Variants in CENPF observed in about 807,000 individuals in gnomAD.
CENPF encodes AH antigen.
Under a neutral mutation model 307.3 loss-of-function variants are expected in CENPF, and 214 were observed. The observed-to-expected ratio is 0.70, with a 90% CI of 0.62 to 0.78. The LOEUF (loss-of-function observed/expected upper bound fraction) is 0.78, where lower values mean the gene tolerates loss of function less well. Ranked by LOEUF, CENPF falls within the 30% of genes least tolerant of loss-of-function variation. The pLI, the probability that CENPF is intolerant of heterozygous loss-of-function variation, is 0.00. For missense variants in CENPF, 3,401 were observed against 3,483.9 expected (o/e 0.98, Z 0.60); for synonymous variants, 1,259 against 1,270.6 (o/e 0.99, Z 0.19).
chr1:214,619,340 G>A, intron 5 of CENPF, 120 bp downstream of exon 5: 2 of 539,518 alleles, frequency 3.7e-6, no homozygotes, highest in Non-Finnish European at 3.3e-6. Flanking sequence ...GTGTGTGTGT[G>A]CTGAGAAAAG....
At chr1:214,648,640 C>T in intron 13 of CENPF, 35 bp from the exon 14 acceptor site, 1 of 1,608,268 alleles carries the variant, frequency 6.2e-7, no homozygotes, top group Non-Finnish European at 8.5e-7. Context: ...AACAGACCAC[C>T]AAAAAGCAGA....
Position 214,643,116 on chromosome 1 carries a change from A to C in CENPF, c.4778A>C (p.Gln1593Pro), listed in dbSNP as rs774657872. The change falls in exon 12 of 20, where the codon CAA (glutamine) becomes CCA (proline). Residue 1593 changes from glutamine (Q) to proline (P), a missense_variant. Transcript: ENST00000366955. Reference sequence around the variant, plus strand: ...GAGCAGTTATTAAGTTCTGAAAGGCAAGAGCTTGACTGCCTTAGGAAGCAG... The same window carrying C: ...GAGCAGTTATTAAGTTCTGAAAGGCCAGAGCTTGACTGCCTTAGGAAGCAG... ...ELEQLLSSER[Q>P]ELDCLRKQYL... is the part of the protein sequence containing the mutation. 3.1e-6 allele frequency: 5 copies of C among 1,603,430 alleles called. No homozygotes were observed. The South Asian group carries it at 3.3e-5, about 11-fold the overall frequency.
intron 11 of CENPF, 88 bp downstream of exon 11, chr1:214,638,089 CTT>C (rs1658011745): frequency 7.5e-7 from 1 of 1,331,854 alleles, no homozygotes; most frequent in Non-Finnish European, 1.0e-6. Context: ...TAGAGAAACT[CTT>C]TGGATTTTTT....
intron 14 of CENPF, among the ~76,000 whole-genome samples, chr1:214,649,402 G>A (rs1658402210): frequency 6.6e-6 from 1 of 152,148 alleles, no homozygotes; most frequent in South Asian, 2.1e-4. Context: ...GAGAGAGCTG[G>A]CAGATGAAAT....
At chr1:214,605,441 G>GC in intron 1 of CENPF, 1 of 369,200 alleles carries the variant, frequency 2.7e-6, no homozygotes, top group Middle Eastern at 7.6e-4. Context: ...AATCCGCTTT[G>GC]TTTTTTTTTT....
At chr1:214,627,378 T>TTC (rs1657684888) in intron 7 of CENPF, among the ~76,000 whole-genome samples, 2 of 143,930 alleles carry the variant, frequency 1.4e-5, no homozygotes, top group Admixed American at 6.9e-5. Context: ...TCTTTTTTTT[T>TTC]TTTTTTTTTT....
chr1:214,647,106 T>C lies in CENPF; in HGVS notation c.7536T>C (p.Asp2512=), dbSNP rs1658331320. The C allele has an allele frequency of 6.2e-7, 1 of 1,613,872 alleles. No homozygotes were observed. The highest frequency in any genetic ancestry group is 1.3e-5 in the African/African-American group (1 of 74,898). The change falls in exon 13 of 20, where the codon GAT becomes GAC. Residue 2512 remains aspartate, a synonymous_variant. Coordinates refer to ENST00000366955, the MANE Select transcript of CENPF (RefSeq NM_016343.4). ...SVNGLIQEVE[D]GKQKLEKKDE... ...ATGGCCTCATTCAAGAAGTAGAAGA[T>C]GGCAAGCAGAAACTGGAGAAGAAGG... is the stretch of plus-strand genomic sequence containing the variant.
rs10686407 is a variant in CENPF, at chr1:214,627,369, C to CTTTT, written c.1069-1659_1069-1656dup. ...ACATCGCACCCAACCCCCTCAGGCT[C>CTTTT]TTTTTTTTTTTTTTTTTTTTTGAGA... On this transcript the variant is annotated intron_variant, in intron 7 of 19. Transcript: ENST00000366955. 2.3e-3 allele frequency among the ~76,000 whole-genome samples: 197 copies of CTTTT among 83,944 alleles called. 1 individual carries two copies. Among genetic ancestry groups the CTTTT allele is most frequent in the African/African-American group, 5.7e-3 (108 of 18,918 alleles). The allele number at this position is 83,944 out of a possible 152,430, so 55.1% of individuals were successfully genotyped here.
In CENPF at chr1:214,649,443, TA is replaced by T. The variant is rs200399852; in HGVS notation, c.7983+619del. ...CTGTTTGTCATACCTGATTAAATTA[TA>T]AACATCCCTATAGCTGTTTAGTCCT... On this transcript the variant is annotated intron_variant, in intron 14 of 19. Transcript: ENST00000366955. Among the ~76,000 whole-genome samples the T allele has an allele frequency of 2.5e-3, 382 of 152,356 alleles. 2 individuals are homozygous for T. The highest frequency in any genetic ancestry group is 8.8e-3 in the African/African-American group (366 of 41,574).
At chr1:214,632,734 A>G (rs1244422149) in intron 10 of CENPF, 132 bp downstream of exon 10, 1 of 1,034,502 alleles carries the variant, frequency 9.7e-7, no homozygotes, top group Non-Finnish European at 1.4e-6. Flanking sequence ...CACCAGAAGT[A>G]AGTATTACAG....
At chr1:214,656,812 C>G (rs1658643940) in intron 17 of CENPF, 121 bp from the exon 18 acceptor site, 2 of 654,810 alleles carry the variant, frequency 3.1e-6, no homozygotes, top group Non-Finnish European at 5.1e-6. Flanking sequence ...GATATATCTC[C>G]CCAACCTCTT....
intron 19 of CENPF, among the ~76,000 whole-genome samples, chr1:214,661,190 A>G (rs1195150180): frequency 6.6e-6 from 1 of 152,226 alleles, no homozygotes; most frequent in Non-Finnish European, 1.5e-5. Context: ...CATGCTGTTC[A>G]GTAGGCACCA....
In CENPF at chr1:214,657,134, A is replaced by T; in HGVS notation, c.8687A>T (p.Asp2896Val). Residue 2896 changes from aspartate (D) to valine (V), a missense_variant, in exon 18 of 20, where the codon GAT becomes GTT. Asp to Val is a radical substitution (Grantham distance 152). Transcript: ENST00000366955. ...CTGTGTTCACAGCAATCTAAACAAG[A>T]TTCCCGAGGGTCTCCTTTGCTAGGT... is the stretch of plus-strand genomic sequence containing the variant. ...AHLCSQQSKQ[D>V]SRGSPLLGPV... 1 of 1,614,218 alleles carries T rather than the reference A, an allele frequency of 6.2e-7. No homozygotes were observed. The highest frequency in any genetic ancestry group is 2.2e-5 in the East Asian group (1 of 44,888).
Position 214,629,339 on chromosome 1 carries a change from TG to T in CENPF, c.1194+169del, listed in dbSNP as rs1657742186. Among the ~76,000 whole-genome samples the T allele has an allele frequency of 2.0e-5, 3 of 152,306 alleles. No homozygotes were observed. In the South Asian group the frequency reaches 6.2e-4, roughly 32 times the overall value. On this transcript the variant is annotated intron_variant, in intron 8 of 19. Coordinates refer to ENST00000366955, the MANE Select transcript of CENPF (RefSeq NM_016343.4). ...TTATTTTCTTTCACATCTTCACTTTTGCGCTTTTTTTAAATCTTTCAGTTTT... is the reference window on the plus strand; with the variant it reads ...TTATTTTCTTTCACATCTTCACTTTTCGCTTTTTTTAAATCTTTCAGTTTT...
In CENPF at chr1:214,644,944, G is replaced by A. The variant is rs758480116; in HGVS notation, c.5374G>A (p.Asp1792Asn). Residue 1792 changes from aspartate (D) to asparagine (N), a missense_variant, in exon 13 of 20, where the codon GAC (aspartate) becomes AAC (asparagine). Physicochemically the swap from Asp to Asn is conservative, Grantham distance 23. Coordinates refer to ENST00000366955, the MANE Select transcript of CENPF (RefSeq NM_016343.4). Reference protein sequence around the residue: ...ENLRLLHVIEDRDRKVESLLN... With the variant: ...ENLRLLHVIENRDRKVESLLN... ...TTTGAGATTACTTCATGTGATAGAGGACCGTGACAGAAAAGTTGAAAGTTT... is the reference window on the plus strand; with the variant it reads ...TTTGAGATTACTTCATGTGATAGAGAACCGTGACAGAAAAGTTGAAAGTTT... The A allele has an allele frequency of 1.1e-5, 18 of 1,613,102 alleles. No homozygotes were observed. Among genetic ancestry groups the A allele is most frequent in the Non-Finnish European group, 1.5e-5 (18 of 1,179,680 alleles).
chr1:214,618,630 G>C lies in CENPF; in HGVS notation c.417G>C (p.Leu139=). Residue 139 remains leucine, a synonymous_variant, in exon 4 of 20, where the codon CTG becomes CTC. Transcript: ENST00000366955. ...CTGCGCAGTCTGCAGATGTCTCTCT[G>C]AATCCATGCAATACACCACAAAAAA... ...QQAAQSADVS[L]NPCNTPQKIF... is the part of the protein sequence containing the mutation. 2 of 1,614,022 alleles carry C rather than the reference G, an allele frequency of 1.2e-6. No homozygotes were observed. Among genetic ancestry groups the C allele is most frequent in the South Asian group, 2.2e-5 (2 of 91,072 alleles).
intron 19 of CENPF, among the ~76,000 whole-genome samples, chr1:214,661,475 G>A (rs532175970): frequency 4.5e-4 from 68 of 152,284 alleles, no homozygotes; most frequent in African/African-American, 1.6e-3. Context: ...CTCCTTTGAG[G>A]TGACTGGCTG....
chr1:214,608,300 A>G, intron 1 of CENPF: 1 of 1,576,552 alleles, frequency 6.3e-7, no homozygotes, highest in Non-Finnish European at 8.6e-7. Flanking sequence ...AGCTGCCCCC[A>G]GGGTTGCCCT....
In CENPF at chr1:214,613,894, C is replaced by T. The variant is rs372352745; in HGVS notation, c.140C>T (p.Ala47Val). The T allele has an allele frequency of 1.9e-5, 31 of 1,610,960 alleles. 1 individual carries two copies. Among genetic ancestry groups the T allele is most frequent in the African/African-American group, 1.3e-4 (10 of 74,648 alleles). The stretch of plus-strand genomic sequence containing the variant: ...TTTCAGCTTGACAGTCTCGAGGCTG[C>T]GCTGCAGAAGCAAAAACAGAAGGTA... ...RQFQLDSLEA[A>V]LQKQKQKVEN... Residue 47 changes from alanine (A) to valine (V), a missense_variant, in exon 2 of 20, where the codon GCG becomes GTG. Transcript: ENST00000366955.
Sources: gnomAD v4.1 joint callset for allele counts (sites outside exome capture counted in the v4.1 genomes callset) on GRCh38, gnomAD v4.1.1 for gene constraint, MANE v1.5 for transcripts, NCBI Gene and HGNC (gene_info 2026-07-23, HGNC 2026-07-21) for gene names.